KAZN: variants seen among roughly 807,000 people sequenced by gnomAD.
KAZN encodes the protein kazrin.
Under a neutral mutation model 87.4 loss-of-function variants are expected in KAZN, and 40 were observed. The ratio of observed to expected loss-of-function variants is 0.46; its 90% CI spans 0.36 to 0.60. The LOEUF (loss-of-function observed/expected upper bound fraction) is 0.60, where lower values mean the gene tolerates loss of function less well. KAZN is among the 20% of genes least tolerant of loss of function. KAZN has a pLI of 0.00. For missense variants in KAZN, 898 were observed against 1,073.9 expected (o/e 0.84, Z 2.29); for synonymous variants, 466 against 458.3 (o/e 1.02, Z -0.22).
chr1:14,129,925 A>T (rs938062615), intron 1 of KAZN, among the ~76,000 whole-genome samples: 11 of 152,244 alleles, frequency 7.2e-5, no homozygotes, highest in Admixed American at 5.2e-4. Context: ...AAATTAAAAG[A>T]AAAGCAGCCC....
chr1:14,587,693 C>T (rs1266801393), intron 2 of KAZN, among the ~76,000 whole-genome samples: 2 of 152,040 alleles, frequency 1.3e-5, no homozygotes, highest in Non-Finnish European at 2.9e-5. Context: ...AGAACTCACT[C>T]ATCACCAAGG....
intron 1 of KAZN, among the ~76,000 whole-genome samples, chr1:14,838,403 T>C (rs1647532113): frequency 6.6e-6 from 1 of 152,152 alleles, no homozygotes; most frequent in African/African-American, 2.4e-5. Flanking sequence ...AGGAGTGAAA[T>C]TGCTGGATTG....
chr1:14,295,243 C>T (rs939346789), intron 2 of KAZN, among the ~76,000 whole-genome samples: 2 of 152,214 alleles, frequency 1.3e-5, no homozygotes, highest in Admixed American at 1.3e-4. Flanking sequence ...TCATCTCCAG[C>T]CATGTTTGCC....
intron 1 of KAZN, among the ~76,000 whole-genome samples, chr1:14,785,820 A>T (rs1331851473): frequency 6.6e-6 from 1 of 152,166 alleles, no homozygotes; most frequent in Non-Finnish European, 1.5e-5. Context: ...CTCACTGCAG[A>T]GCTGTGCTTC....
intron 8 of KAZN, among the ~76,000 whole-genome samples, chr1:15,074,465 C>T (rs1639650773): frequency 6.6e-6 from 1 of 152,102 alleles, no homozygotes; most frequent in African/African-American, 2.4e-5. Flanking sequence ...CATGGGTGTC[C>T]CCCGGCTTCC....
chr1:13,999,987 A>T (rs1001441097), intron 1 of KAZN, among the ~76,000 whole-genome samples: 7 of 152,234 alleles, frequency 4.6e-5, no homozygotes, highest in African/African-American at 1.7e-4. Context: ...CCTTCCCAAG[A>T]CTAAACCAGG....
At chr1:14,320,556 G>A (rs895154736) in intron 2 of KAZN, among the ~76,000 whole-genome samples, 10 of 151,996 alleles carry the variant, frequency 6.6e-5, no homozygotes, top group African/African-American at 2.2e-4. Flanking sequence ...TGTGAATTCT[G>A]AGACCTCCAG....
chr1:14,728,014 G>A (rs974537610), intron 1 of KAZN, among the ~76,000 whole-genome samples: 6 of 151,744 alleles, frequency 4.0e-5, no homozygotes, highest in African/African-American at 1.2e-4. Context: ...GGCCGGGCGC[G>A]GTGCCTCACG....
chr1:14,355,993 G>A (rs1658990266), intron 2 of KAZN, among the ~76,000 whole-genome samples: 1 of 152,156 alleles, frequency 6.6e-6, no homozygotes, highest in Non-Finnish European at 1.5e-5. Flanking sequence ...CTAGATCCTT[G>A]AGGAATGCCA....
At chr1:15,074,280 T>G (rs1419439602) in intron 8 of KAZN, among the ~76,000 whole-genome samples, 1 of 152,164 alleles carries the variant, frequency 6.6e-6, no homozygotes, top group Non-Finnish European at 1.5e-5. Flanking sequence ...AGCCCTAAAC[T>G]CCAGTGTATT....
At chr1:13,997,051 G>A (rs1486969892) in intron 1 of KAZN, among the ~76,000 whole-genome samples, 1 of 152,142 alleles carries the variant, frequency 6.6e-6, no homozygotes, top group Non-Finnish European at 1.5e-5. Flanking sequence ...ATATCTCTGG[G>A]CTTGGGAGCA....
intron 1 of KAZN, among the ~76,000 whole-genome samples, chr1:13,901,468 G>T (rs1570226821): frequency 6.6e-6 from 1 of 152,222 alleles, no homozygotes; most frequent in South Asian, 2.1e-4. Flanking sequence ...ACTTCTCAGA[G>T]ATTCTATTAG....
intron 1 of KAZN, among the ~76,000 whole-genome samples, chr1:14,062,328 G>T (rs1642827327): frequency 6.6e-6 from 1 of 152,094 alleles, no homozygotes; most frequent in African/African-American, 2.4e-5. Flanking sequence ...TTTATACTTT[G>T]GTTAAAGGCT....
rs182642115 is a variant in KAZN at position 14,466,576 on chromosome 1, C to T, written c.250-132407C>T. 1.9e-4 allele frequency among the ~76,000 whole-genome samples: 29 copies of T among 151,530 alleles called. No individual in the cohort carries two copies. The East Asian group carries it at 5.4e-3, about 28-fold the overall frequency. ...TGACACCTAGGTGATGGGTTGATAG[C>T]TGCAGCAAACCACCATTGCATACGA... On this transcript the variant is annotated intron_variant, in intron 2 of 16. Transcript: ENST00000636203.
chr1:14,207,764 G>GA lies in KAZN; in HGVS notation c.249+27179dup, dbSNP rs373494988. ...TGCCCAGGGACATTCTAATATCTGA[G>GA]AAAAAAACATCTTAGGACTTAGATT... On this transcript the variant is annotated intron_variant, in intron 2 of 16. Transcript: ENST00000636203. Among the ~76,000 whole-genome samples, 81 of 151,982 alleles carry GA rather than the reference G, an allele frequency of 5.3e-4. 2 individuals are homozygous for GA. The Middle Eastern group carries it at 0.01, about 19-fold the overall frequency.
At chr1:14,478,249 A>AAAGAAG (rs1668869099) in intron 2 of KAZN, among the ~76,000 whole-genome samples, 14 of 101,506 alleles carry the variant, frequency 1.4e-4, no homozygotes, top group Middle Eastern at 4.9e-3. Context: ...AGGAAGGAAA[A>AAAGAAG]GAAGGAAGGA....
At chr1:15,101,189 C>CTCTCTCT (rs1573306187) in intron 10 of KAZN, among the ~76,000 whole-genome samples, 6 of 41,696 alleles carry the variant, frequency 1.4e-4, no homozygotes, top group Admixed American at 5.5e-4. Flanking sequence ...TCTCTCTCTG[C>CTCTCTCT]CTCTTCCTCT....
At chr1:14,188,288 T>C (rs1275807118) in intron 2 of KAZN, among the ~76,000 whole-genome samples, 1 of 151,932 alleles carries the variant, frequency 6.6e-6, no homozygotes, top group Non-Finnish European at 1.5e-5. Flanking sequence ...ACTTTAGTTT[T>C]GTGTGTTAAG....
intron 2 of KAZN, among the ~76,000 whole-genome samples, chr1:14,498,484 G>A (rs1483068635): frequency 6.6e-6 from 1 of 152,132 alleles, no homozygotes; most frequent in Non-Finnish European, 1.5e-5. Flanking sequence ...TTGGGGTCAG[G>A]GGTTTGAGAC....
Sources: allele counts gnomAD v4.1 joint callset (sites outside exome capture counted in the v4.1 genomes callset), GRCh38; gene constraint gnomAD v4.1.1; transcripts MANE v1.5; gene names NCBI Gene and HGNC (gene_info 2026-07-23, HGNC 2026-07-21).